Variants in ZNF609 observed in about 807,000 individuals in gnomAD.
ZNF609 encodes the protein zinc finger protein 609.
In ZNF609, 11 loss-of-function variants were observed where a neutral mutation model predicts 109.5. The observed-to-expected ratio is 0.10, with a 90% CI of 0.06 to 0.17. ZNF609 has a LOEUF of 0.17. Ranked by LOEUF, ZNF609 falls within the 10% of genes least tolerant of loss-of-function variation. The pLI, the probability that ZNF609 is intolerant of heterozygous loss-of-function variation, is 1.00. For missense variants in ZNF609, 1,559 were observed against 1,772.4 expected, an observed-to-expected ratio of 0.88 and a Z score of 2.16; for synonymous variants, 646 against 662.0, an observed-to-expected ratio of 0.98 and a Z score of 0.37.
chr15:64,580,556 C>CTTTTTT (rs66976954), intron 2 of ZNF609, among the ~76,000 whole-genome samples: 8 of 144,222 alleles, frequency 5.5e-5, no homozygotes, highest in Non-Finnish European at 6.0e-5. Flanking sequence ...CTTTTCTTTT[C>CTTTTTT]TTTTTTTTTT....
chr15:64,656,910 A>G (rs962589890), intron 3 of ZNF609, among the ~76,000 whole-genome samples: 13 of 152,098 alleles, frequency 8.5e-5, no homozygotes, highest in African/African-American at 3.1e-4. Context: ...TTCAGTAGCC[A>G]TATCTCTATT....
intron 3 of ZNF609, among the ~76,000 whole-genome samples, chr15:64,660,330 G>A (rs981563563): frequency 2.0e-5 from 3 of 152,208 alleles, no homozygotes; most frequent in Admixed American, 6.5e-5. Flanking sequence ...CATAAATACA[G>A]TTCCCCTCTG....
intron 4 of ZNF609, 73 bp from the exon 5 acceptor site, chr15:64,673,843 A>C: frequency 6.7e-7 from 1 of 1,492,400 alleles, no homozygotes; most frequent in Admixed American, 2.1e-5. Flanking sequence ...ACAGTTCTGG[A>C]GGCTACAGCT....
intron 2 of ZNF609, among the ~76,000 whole-genome samples, chr15:64,527,910 C>G (rs540765375): frequency 3.3e-5 from 5 of 152,328 alleles, no homozygotes; most frequent in African/African-American, 9.6e-5. Flanking sequence ...ACTCTTACCC[C>G]CTTTCTTTCC....
At chr15:64,510,087 C>G (rs1893698727) in intron 2 of ZNF609, among the ~76,000 whole-genome samples, 1 of 152,134 alleles carries the variant, frequency 6.6e-6, no homozygotes, top group South Asian at 2.1e-4. Context: ...ATCCCATAGG[C>G]ATTTTATCAT....
Position 64,616,204 on chromosome 15 carries a change from G to C in ZNF609, c.748-6623G>C, listed in dbSNP as rs114191062. 3.3e-5 allele frequency among the ~76,000 whole-genome samples: 5 copies of C among 152,108 alleles called. No individual in the cohort carries two copies. In the South Asian group the frequency reaches 1.0e-3, roughly 32 times the overall value. On this transcript the variant is annotated intron_variant, in intron 2 of 9. Coordinates refer to ENST00000326648, the MANE Select transcript of ZNF609 (RefSeq NM_015042.2). ...ATATAGACTTTTGCCATGTTGCCCA[G>C]GCTGGTCTAGAACTCCTCAGCTCAA...
chr15:64,493,655 G>C (rs1893444945), intron 1 of ZNF609, among the ~76,000 whole-genome samples: 1 of 152,190 alleles, frequency 6.6e-6, no homozygotes, highest in Non-Finnish European at 1.5e-5. Flanking sequence ...CAGTCCTAAA[G>C]AAGGAAGTGG....
chr15:64,499,327 T>C lies in ZNF609; in HGVS notation c.-93T>C. ...TGTCCACTGGGCATGTACTGACCAA[T>C]GTGGCAGGTCTGAGAACATAGCTGA... On this transcript the variant is annotated 5_prime_UTR_variant, in exon 2 of 10. The change abolishes an upstream ATG in the 5' untranslated region. Coordinates refer to ENST00000326648, the MANE Select transcript of ZNF609 (RefSeq NM_015042.2). 1.3e-6 allele frequency: 2 copies of C among 1,507,714 alleles called. No homozygotes were observed. The highest frequency in any genetic ancestry group is 1.8e-6 in the Non-Finnish European group (2 of 1,119,562). 93.4% of individuals were successfully genotyped at this position (1,507,714 alleles called of 1,614,324 possible). A position where few individuals can be genotyped will look rare whatever the true frequency, so the allele number is the denominator to read the frequency against.
Position 64,682,501 on chromosome 15 carries a change from T to G in ZNF609, c.*815T>G, listed in dbSNP as rs1257746804. 4 of 152,870 alleles carry G rather than the reference T, an allele frequency of 2.6e-5. No individual in the cohort carries two copies. Among genetic ancestry groups the G allele is most frequent in the African/African-American group, 9.6e-5 (4 of 41,466 alleles). The allele number at this position is 152,870 out of a possible 1,614,324, so 9.5% of individuals were successfully genotyped here. ...TAGAACCTGCGTCCCCACTAAGTCCTGCTGCTTCTTATTCCCCAACTCCTT... is the reference window on the plus strand; with the variant it reads ...TAGAACCTGCGTCCCCACTAAGTCCGGCTGCTTCTTATTCCCCAACTCCTT... On this transcript the variant is annotated 3_prime_UTR_variant, in exon 10 of 10. Coordinates refer to ENST00000326648, the MANE Select transcript of ZNF609 (RefSeq NM_015042.2).
chr15:64,637,402 C>T (rs1031606011), intron 3 of ZNF609, among the ~76,000 whole-genome samples: 1 of 152,138 alleles, frequency 6.6e-6, no homozygotes, highest in Admixed American at 6.5e-5. Flanking sequence ...TCTATCTATA[C>T]TTAGAAATGG....
At chr15:64,548,649 T>C (rs1271080798) in intron 2 of ZNF609, among the ~76,000 whole-genome samples, 1 of 152,160 alleles carries the variant, frequency 6.6e-6, no homozygotes, top group Non-Finnish European at 1.5e-5. Flanking sequence ...GTGCCTATAT[T>C]CCCAGCTACT....
chr15:64,494,442 T>C (rs1359068760), intron 1 of ZNF609, among the ~76,000 whole-genome samples: 14 of 152,170 alleles, frequency 9.2e-5, no homozygotes, highest in Non-Finnish European at 5.9e-5. Context: ...ATATCTGTCT[T>C]TCTGTAACTT....
At chr15:64,516,112 C>T (rs1449471900) in intron 2 of ZNF609, among the ~76,000 whole-genome samples, 2 of 151,952 alleles carry the variant, frequency 1.3e-5, no homozygotes, top group Non-Finnish European at 2.9e-5. Context: ...AAAATAAAAC[C>T]CCAATGACTT....
chr15:64,556,075 C>T (rs1894581573), intron 2 of ZNF609, among the ~76,000 whole-genome samples: 1 of 151,132 alleles, frequency 6.6e-6, no homozygotes, highest in Non-Finnish European at 1.5e-5. Flanking sequence ...ACTGCAGCTT[C>T]AGCTTCCCAG....
At chr15:64,537,929 C>T (rs1386026021) in intron 2 of ZNF609, among the ~76,000 whole-genome samples, 1 of 151,728 alleles carries the variant, frequency 6.6e-6, no homozygotes, top group Non-Finnish European at 1.5e-5. Context: ...GGAGAAACCC[C>T]GTCTCTACTA....
intron 2 of ZNF609, among the ~76,000 whole-genome samples, chr15:64,578,035 T>G (rs1595725701): frequency 2.0e-5 from 3 of 152,050 alleles, no homozygotes; most frequent in Admixed American, 2.0e-4. Context: ...TAATTATTTT[T>G]TATCTGCTTG....
chr15:64,673,829 C>A lies in ZNF609; in HGVS notation c.1062-87C>A, dbSNP rs768653685. 2.1e-5 allele frequency: 30 copies of A among 1,395,868 alleles called. No homozygotes were observed. In the Admixed American group the frequency reaches 6.6e-4, roughly 31 times the overall value. The allele number at this position is 1,395,868 out of a possible 1,614,324, so 86.5% of individuals were successfully genotyped here. ...ATTCATTGAAAATGATAGTCACCAT[C>A]TGGACAGTTCTGGAGGCTACAGCTA... On this transcript the variant is annotated intron_variant, in intron 4 of 9. Coordinates refer to ENST00000326648, the MANE Select transcript of ZNF609 (RefSeq NM_015042.2).
intron 2 of ZNF609, among the ~76,000 whole-genome samples, chr15:64,608,206 CTTATT>C (rs1382647741): frequency 1.3e-5 from 2 of 152,082 alleles, no homozygotes; most frequent in African/African-American, 4.8e-5. Flanking sequence ...CAAATTATTT[CTTATT>C]TTAATTCTAG....
chr15:64,654,989 G>A (rs560405731), intron 3 of ZNF609, among the ~76,000 whole-genome samples: 11 of 151,928 alleles, frequency 7.2e-5, no homozygotes, highest in African/African-American at 2.4e-4. Context: ...CCAGCTACTC[G>A]GGAGGTTGAG....
Sources: allele counts gnomAD v4.1 joint callset (sites outside exome capture counted in the v4.1 genomes callset), GRCh38; gene constraint gnomAD v4.1.1; transcripts MANE v1.5; gene names NCBI Gene and HGNC (gene_info 2026-07-23, HGNC 2026-07-21).